Variants in PSMB5 observed in about 807,000 individuals in gnomAD.
PSMB5 encodes the protein proteasome 20S subunit beta 5.
PSMB5 carries 2 observed loss-of-function variants against 22.8 expected under a neutral mutation model. The ratio of observed to expected loss-of-function variants is 0.09; its 90% confidence interval spans 0.04 to 0.28. The LOEUF is 0.28. Ranked by LOEUF, PSMB5 falls within the 10% of genes least tolerant of loss-of-function variation. The probability of loss-of-function intolerance (pLI) is 1.00; values close to 1 mark genes in which losing one functional copy is unlikely to be tolerated. For missense variants in PSMB5, 269 were observed against 343.8 expected (o/e 0.78, Z 1.72); for synonymous variants, 133 against 135.3 (o/e 0.98, Z 0.12).
rs1204180156 is a variant in PSMB5 at position 23,034,659 on chromosome 14, C to G, written c.198+25G>C. 3 of 1,612,098 alleles carry G rather than the reference C, an allele frequency of 1.9e-6. No homozygotes were observed. In the East Asian group the frequency reaches 6.7e-5, roughly 36 times the overall value. On this transcript the variant is annotated intron_variant, in intron 1 of 2. Transcript: ENST00000361611. ...CAAGTCGCGGGCGTTCAGTACTCAG[C>G]CTGGCAAGGGGGCTGGCTCCACACC... is the stretch of plus-strand genomic sequence containing the variant.
At chr14:23,027,249 C>T (rs2046921591) in intron 2 of PSMB5, among the ~76,000 whole-genome samples, 2 of 150,828 alleles carry the variant, frequency 1.3e-5, no homozygotes, top group African/African-American at 2.4e-5. Context: ...GGTGTGGTTG[C>T]GGTCGCCTGC....
chr14:23,026,111 T>G lies in PSMB5; in HGVS notation c.770A>C (p.Lys257Thr). Residue 257 changes from lysine (K) to threonine (T), a missense_variant, in exon 3 of 3, where the codon AAG becomes ACG. Coordinates refer to ENST00000361611, the MANE Select transcript of PSMB5 (RefSeq NM_002797.5). ...CTTTCAGGGGGTAGAGCCACTATAC[T>G]TCTCATGTAGATCAGCCACATTGTC... ...SSDNVADLHE[K>T]YSGSTP The G allele has an allele frequency of 6.2e-7, 1 of 1,614,158 alleles. No individual in the cohort carries two copies. The highest frequency in any genetic ancestry group is 8.5e-7 in the Non-Finnish European group (1 of 1,180,028).
At chr14:23,031,031 G>A (rs1000494257) in intron 2 of PSMB5, among the ~76,000 whole-genome samples, 11 of 152,182 alleles carry the variant, frequency 7.2e-5, no homozygotes, top group South Asian at 4.1e-4. Flanking sequence ...AAATACCTGC[G>A]TATAAGTGGA....
chr14:23,034,656 C>T, intron 1 of PSMB5, 28 bp downstream of exon 1: 1 of 1,611,746 alleles, frequency 6.2e-7, no homozygotes, highest in Non-Finnish European at 8.5e-7. Context: ...GTTCAGTACT[C>T]AGCCTGGCAA....
chr14:23,030,002 C>T (rs1443745509), intron 2 of PSMB5, among the ~76,000 whole-genome samples: 4 of 151,846 alleles, frequency 2.6e-5, no homozygotes, highest in African/African-American at 7.2e-5. Context: ...AGGATGGTCT[C>T]GATCTCCTGG....
Position 23,026,256 on chromosome 14 carries a change from C to T in PSMB5, c.625G>A (p.Glu209Lys). The change falls in exon 3 of 3, where the codon GAG becomes AAG. Residue 209 changes from glutamate to lysine, a missense_variant. By Grantham distance (56) the Glu-to-Lys change is moderately conservative. Around this residue, in one of 3 missense-constraint regions of PSMB5, gnomAD observed 113 missense variants for 130.2 expected, o/e 0.87. Transcript: ENST00000361611. Reference sequence around the variant, plus strand: ...CGACGGGCCAGATCATAGGCCTGCTCCACTTCCAGGTCATAGGAATAGCCC... The same window carrying T: ...CGACGGGCCAGATCATAGGCCTGCTTCACTTCCAGGTCATAGGAATAGCCC... ...DRGYSYDLEVEQAYDLARRAI... is the reference protein window; with the variant it reads ...DRGYSYDLEVKQAYDLARRAI... 2.5e-6 allele frequency: 4 copies of T among 1,614,084 alleles called. No individual in the cohort carries two copies. Among genetic ancestry groups the T allele is most frequent in the Non-Finnish European group, 3.4e-6 (4 of 1,180,016 alleles).
chr14:23,030,974 G>T (rs2046949144), intron 2 of PSMB5, among the ~76,000 whole-genome samples: 1 of 152,050 alleles, frequency 6.6e-6, no homozygotes, highest in Non-Finnish European at 1.5e-5. Context: ...TGTATATTTG[G>T]GTTTCAAATT....
At chr14:23,027,799 G>A in intron 2 of PSMB5, 1 of 1,547,992 alleles carries the variant, frequency 6.5e-7, no homozygotes, top group Non-Finnish European at 8.7e-7. Context: ...CATTCCAAAT[G>A]ACTTAGGTTT....
At chr14:23,034,648 T>C in intron 1 of PSMB5, 36 bp downstream of exon 1, 1 of 1,607,864 alleles carries the variant, frequency 6.2e-7, no homozygotes. Context: ...TCGCGGGCGT[T>C]CAGTACTCAG....
At chr14:23,034,147 C>A (rs1364791689) in intron 1 of PSMB5, among the ~76,000 whole-genome samples, 2 of 150,678 alleles carry the variant, frequency 1.3e-5, no homozygotes, top group African/African-American at 4.9e-5. Flanking sequence ...AAAAACAAAT[C>A]ATTTTATAGA....
At position 23,034,894 on chromosome 14, in the gene PSMB5, C is replaced by T. The variant is rs200724217; in HGVS notation, c.-13G>A. On this transcript the variant is annotated 5_prime_UTR_variant, in exon 1 of 3. Coordinates refer to ENST00000361611, the MANE Select transcript of PSMB5 (RefSeq NM_002797.5). ...TGGCAAGCGCCATGTCTAGTGTGGG[C>T]AGAAAGAACTAATTCTGAGAACGCC... 13 of 1,611,778 alleles carry T rather than the reference C, an allele frequency of 8.1e-6. No individual in the cohort carries two copies. In the African/African-American group the frequency reaches 1.3e-4, roughly 17 times the overall value.
rs2046968381 is a variant in PSMB5 at position 23,033,452 on chromosome 14, G to C, written c.421C>G (p.Leu141Val). 2 of 1,614,106 alleles carry C rather than the reference G, an allele frequency of 1.2e-6. No individual in the cohort carries two copies. Among genetic ancestry groups the C allele is most frequent in the Non-Finnish European group, 1.7e-6 (2 of 1,180,020 alleles). Residue 141 changes from leucine to valine, a missense_variant, in exon 2 of 3, where the codon CTG becomes GTG. Leu to Val is a conservative substitution (Grantham distance 32). Around this residue, in one of 3 missense-constraint regions of PSMB5, gnomAD observed 75 missense variants for 143.2 expected, o/e 0.52. Coordinates refer to ENST00000361611, the MANE Select transcript of PSMB5 (RefSeq NM_002797.5). ...TACTGATACACCATGTTGGCAAGCA[G>C]TTTGGAGGCAGCTGCTACAGAGATG... ...ERISVAAASK[L>V]LANMVYQYKG... is the part of the protein sequence containing the mutation.
At position 23,033,313 on chromosome 14, in the gene PSMB5, A is replaced by G. The variant is rs1178521935; in HGVS notation, c.505+55T>C. 1.9e-6 allele frequency: 3 copies of G among 1,553,354 alleles called. No homozygotes were observed. In the African/African-American group the frequency reaches 4.1e-5, roughly 21 times the overall value. Reference sequence around the variant, plus strand: ...GCCCTTTAATTCATCTGTCCATCCAACCCCTCCTCACTGTAGTGTCAGCCC... The same window carrying G: ...GCCCTTTAATTCATCTGTCCATCCAGCCCCTCCTCACTGTAGTGTCAGCCC... On this transcript the variant is annotated intron_variant, in intron 2 of 2. Transcript: ENST00000361611.
chr14:23,032,748 G>A (rs2046962378), intron 2 of PSMB5, among the ~76,000 whole-genome samples: 1 of 151,130 alleles, frequency 6.6e-6, no homozygotes, highest in African/African-American at 2.4e-5. Flanking sequence ...ACAGGCGCCT[G>A]CCACCACGCC....
intron 2 of PSMB5, among the ~76,000 whole-genome samples, chr14:23,026,638 C>T (rs1188680536): frequency 3.3e-5 from 5 of 151,152 alleles, no homozygotes; most frequent in African/African-American, 4.9e-5. Context: ...TTAGTAGAGA[C>T]GGGGTTTCAC....
At position 23,026,375 on chromosome 14, in the gene PSMB5, C is replaced by G. The variant is rs752906559; in HGVS notation, c.506G>C (p.Gly169Ala). ...MICGWDKRGP[G>A]LYYVDSEGNR... ...CCCTTCACTGTCCACGTAGTAGAGG[C>G]CTGGAAAGGGAGATGAGGTTAGCAG... is the stretch of plus-strand genomic sequence containing the variant. The change falls in exon 3 of 3, where the codon GGC becomes GCC. Residue 169 changes from glycine (G) to alanine (A), a missense_variant and splice_region_variant. Physicochemically the swap from Gly to Ala is moderately conservative, Grantham distance 60. Transcript: ENST00000361611. 6.2e-7 allele frequency: 1 copy of G among 1,612,816 alleles called. No homozygotes were observed. Among genetic ancestry groups the G allele is most frequent in the Admixed American group, 1.7e-5 (1 of 59,916 alleles).
At chr14:23,026,404 A>G (rs751137848) in intron 2 of PSMB5, 29 bp from the exon 3 acceptor site, 1 of 1,580,074 alleles carries the variant, frequency 6.3e-7, no homozygotes, top group Non-Finnish European at 8.6e-7. Flanking sequence ...TTAGCAGGAA[A>G]AAAAAAAAGA....
chr14:23,032,661 C>G (rs553256240), intron 2 of PSMB5, among the ~76,000 whole-genome samples: 1 of 151,470 alleles, frequency 6.6e-6, no homozygotes, highest in Non-Finnish European at 1.5e-5. Flanking sequence ...TGCAGTGGCA[C>G]CATCTCGACT....
chr14:23,028,419 A>G (rs2046931300), intron 2 of PSMB5, among the ~76,000 whole-genome samples: 1 of 152,252 alleles, frequency 6.6e-6, no homozygotes, highest in Admixed American at 6.5e-5. Flanking sequence ...CACTAGCCAC[A>G]CAGGACTAGT....
Sources: allele counts gnomAD v4.1 joint callset (sites outside exome capture counted in the v4.1 genomes callset), GRCh38; gene constraint gnomAD v4.1.1; regional missense constraint gnomAD v4.1.1; transcripts MANE v1.5; gene names NCBI Gene and HGNC (gene_info 2026-07-23, HGNC 2026-07-21).